DSCAML1: variants seen among roughly 807,000 people sequenced by gnomAD.
The protein encoded by DSCAML1 is DS cell adhesion molecule like 1, also known as cell adhesion molecule DSCAML1.
A neutral mutation model predicts 200.5 loss-of-function variants in DSCAML1; 38 were observed. That is an observed-to-expected ratio of 0.19 (90% confidence interval 0.15 to 0.25). The LOEUF is 0.25. Ranked by LOEUF, DSCAML1 falls within the 10% of genes least tolerant of loss-of-function variation. The pLI, the probability that DSCAML1 is intolerant of heterozygous loss-of-function variation, is 1.00. For synonymous variants in DSCAML1, 1,215 were observed against 1,165.0 expected (o/e 1.04, Z -0.87); for missense variants, 2,223 against 2,858.8 (o/e 0.78, Z 5.07).
At position 117,780,827 on chromosome 11, in the gene DSCAML1, G is replaced by T; in HGVS notation, c.47-17C>A. On this transcript the variant is annotated splice_polypyrimidine_tract_variant and intron_variant, in intron 1 of 32. Coordinates refer to ENST00000651296, the MANE Select transcript of DSCAML1 (RefSeq NM_020693.4). The surrounding 1 kb of genome is among the most constrained non-coding windows in gnomAD (Gnocchi z 4.8). ...CAGGGCGGGCTGCAGGAGAGGCAAG[G>T]GGAGAGACTTGGTTAGCATGGGCTC... 7.1e-7 allele frequency: 1 copy of T among 1,414,432 alleles called. No homozygotes were observed. The highest frequency in any genetic ancestry group is 9.2e-7 in the Non-Finnish European group (1 of 1,086,532). 87.6% of individuals were successfully genotyped at this position (1,414,432 alleles called of 1,614,324 possible). A position where few individuals can be genotyped will look rare whatever the true frequency, so the allele number is the denominator to read the frequency against.
chr11:117,703,359 C>T (rs944405389), intron 3 of DSCAML1, among the ~76,000 whole-genome samples: 3 of 152,180 alleles, frequency 2.0e-5, no homozygotes, highest in African/African-American at 7.2e-5. Context: ...GTCTGCTCTG[C>T]AGAGAGCTGT....
chr11:117,796,497 T>A (rs913784197), intron 1 of DSCAML1, among the ~76,000 whole-genome samples: 17 of 152,334 alleles, frequency 1.1e-4, no homozygotes, highest in Admixed American at 5.9e-4. Context: ...ATCCCCACCC[T>A]GCCTCCAGCC....
intron 3 of DSCAML1, among the ~76,000 whole-genome samples, chr11:117,533,066 G>A (rs2050110374): frequency 6.6e-6 from 1 of 152,124 alleles, no homozygotes; most frequent in African/African-American, 2.4e-5. Flanking sequence ...CCTGAGCCCA[G>A]GAGGTCAAGG....
At chr11:117,508,197 A>G (rs997050705) in intron 8 of DSCAML1, among the ~76,000 whole-genome samples, 5 of 152,062 alleles carry the variant, frequency 3.3e-5, no homozygotes, top group Non-Finnish European at 5.9e-5. Flanking sequence ...CTCCCCTGGG[A>G]AACTCCCCTA....
intron 3 of DSCAML1, among the ~76,000 whole-genome samples, chr11:117,732,110 C>T (rs1337757886): frequency 1.3e-5 from 2 of 152,208 alleles, no homozygotes; most frequent in Non-Finnish European, 2.9e-5. Context: ...GGGACATTTG[C>T]ATGTAAACAG....
intron 3 of DSCAML1, among the ~76,000 whole-genome samples, chr11:117,759,188 G>T (rs2054753557): frequency 6.6e-6 from 1 of 152,138 alleles, no homozygotes; most frequent in African/African-American, 2.4e-5. Flanking sequence ...GCGTCTATAA[G>T]AAATACCCAG....
intron 3 of DSCAML1, among the ~76,000 whole-genome samples, chr11:117,731,139 T>C (rs2054210934): frequency 1.3e-5 from 2 of 152,086 alleles, no homozygotes; most frequent in Admixed American, 6.6e-5. Context: ...GGGTATATTG[T>C]ATGGTATGTG....
At chr11:117,508,426 C>T (rs1415261811) in intron 8 of DSCAML1, among the ~76,000 whole-genome samples, 1 of 152,010 alleles carries the variant, frequency 6.6e-6, no homozygotes. Context: ...GAGTGCTTGT[C>T]GGGTGAGGAA....
upstream of DSCAML1, among the ~76,000 whole-genome samples, chr11:117,798,463 T>C (rs2055622629): frequency 6.6e-6 from 1 of 152,124 alleles, no homozygotes; most frequent in Non-Finnish European, 1.5e-5. Flanking sequence ...AAAATGTACA[T>C]AACATAAAAT....
At chr11:117,644,665 G>A (rs745544918) in intron 3 of DSCAML1, among the ~76,000 whole-genome samples, 3 of 152,232 alleles carry the variant, frequency 2.0e-5, no homozygotes, top group Non-Finnish European at 4.4e-5. Context: ...AGGGGGAGCC[G>A]CGGAGTCCGC....
chr11:117,719,163 A>G (rs2054004743), intron 3 of DSCAML1, among the ~76,000 whole-genome samples: 1 of 152,182 alleles, frequency 6.6e-6, no homozygotes, highest in Non-Finnish European at 1.5e-5. Context: ...GGCCAGGCAC[A>G]GTGGCTCATG....
chr11:117,471,834 G>C, intron 15 of DSCAML1, 35 bp downstream of exon 15: 1 of 1,445,856 alleles, frequency 6.9e-7, no homozygotes, highest in Non-Finnish European at 9.2e-7. Context: ...TGATCCCTGA[G>C]GCCATGGGCA....
chr11:117,496,995 G>A (rs2049300880), intron 11 of DSCAML1, among the ~76,000 whole-genome samples: 1 of 152,206 alleles, frequency 6.6e-6, no homozygotes, highest in Non-Finnish European at 1.5e-5. Flanking sequence ...GATCTCCCAT[G>A]TTTCGTTGGT....
chr11:117,777,344 C>T (rs2055145373), intron 2 of DSCAML1, among the ~76,000 whole-genome samples: 1 of 152,180 alleles, frequency 6.6e-6, no homozygotes, highest in South Asian at 2.1e-4. Flanking sequence ...TGCTAGAATT[C>T]CCCTAAGAAA....
At chr11:117,700,336 C>T (rs571697521) in intron 3 of DSCAML1, among the ~76,000 whole-genome samples, 46 of 152,312 alleles carry the variant, frequency 3.0e-4, no homozygotes, top group African/African-American at 7.9e-4. Flanking sequence ...ACTGCAGCCC[C>T]GGGTCTCCTT....
In DSCAML1 at chr11:117,463,952, A is replaced by G. The variant is rs758562591; in HGVS notation, c.3265+990T>C. ...CATTGGTATGAGCGAATCTACTTTC[A>G]GGTGTTTCTGACCTAATGTGTCCAC... On this transcript the variant is annotated intron_variant, in intron 17 of 32. Coordinates refer to ENST00000651296, the MANE Select transcript of DSCAML1 (RefSeq NM_020693.4). The surrounding 1 kb of genome is among the most constrained non-coding windows in gnomAD (Gnocchi z 4.0). 1.3e-5 allele frequency among the ~76,000 whole-genome samples: 2 copies of G among 152,238 alleles called. No homozygotes were observed. Among genetic ancestry groups the G allele is most frequent in the Admixed American group, 1.3e-4 (2 of 15,288 alleles).
At chr11:117,765,709 T>C (rs1282347667) in intron 3 of DSCAML1, among the ~76,000 whole-genome samples, 1 of 152,210 alleles carries the variant, frequency 6.6e-6, no homozygotes, top group Non-Finnish European at 1.5e-5. Flanking sequence ...AAAATGTATT[T>C]TCTCTATACA....
At chr11:117,458,280 T>C (rs531057054) in intron 19 of DSCAML1, among the ~76,000 whole-genome samples, 76 of 152,294 alleles carry the variant, frequency 5.0e-4, no homozygotes, top group African/African-American at 1.7e-3. Flanking sequence ...CAGCTCCAAA[T>C]GGAGGCACAC....
In DSCAML1 at chr11:117,542,492, C is replaced by T. The variant is rs529270875; in HGVS notation, c.512-9970G>A. ...TTACACATGAAAGGTTTCCACAGCT[C>T]GGGCCCTTGTGGAAGAAGCCCTGTG... is the stretch of plus-strand genomic sequence containing the variant. On this transcript the variant is annotated intron_variant, in intron 3 of 32. Coordinates refer to ENST00000651296, the MANE Select transcript of DSCAML1 (RefSeq NM_020693.4). Among the ~76,000 whole-genome samples the T allele has an allele frequency of 4.6e-5, 7 of 152,274 alleles. No homozygotes were observed. The South Asian group carries it at 1.0e-3, about 23-fold the overall frequency.
Sources: gnomAD v4.1 joint callset for allele counts (sites outside exome capture counted in the v4.1 genomes callset) on GRCh38, gnomAD v4.1.1 for gene constraint, Gnocchi (gnomAD v3.1) non-coding constraint, MANE v1.5 for transcripts, NCBI Gene and HGNC (gene_info 2026-07-23, HGNC 2026-07-21) for gene names.